The following AP3S1 variants were observed in gnomAD, a reference collection of about 807,000 sequenced individuals.
The protein encoded by AP3S1 is AP-3 complex subunit sigma-1.
A neutral mutation model predicts 21.3 loss-of-function variants in AP3S1; 12 were observed. The observed-to-expected ratio is 0.56, with a 90% CI of 0.36 to 0.91. The LOEUF (loss-of-function observed/expected upper bound fraction) is 0.91. Among genes scored for constraint, AP3S1 ranks in the 40% least tolerant of loss-of-function variants. The pLI is 0.01. For synonymous variants in AP3S1, 48 were observed against 78.4 expected, an observed-to-expected ratio of 0.61 and a Z score of 2.05; for missense variants, 116 against 225.0, an observed-to-expected ratio of 0.52 and a Z score of 3.10.
chr5:115,898,133 C>G lies in AP3S1; in HGVS notation c.345+2975C>G, dbSNP rs1750917683. On this transcript the variant is annotated intron_variant, in intron 4 of 5. Coordinates refer to ENST00000316788, the MANE Select transcript of AP3S1 (RefSeq NM_001284.4). ...CCATGGTAACAAAGCTGCCACTATC[C>G]AGAACATTGTTAGTTTCTATGTCAG... 2.0e-5 allele frequency among the ~76,000 whole-genome samples: 3 copies of G among 152,120 alleles called. No homozygotes were observed. In the South Asian group the frequency reaches 6.2e-4, roughly 32 times the overall value.
chr5:115,851,176 C>A (rs987649250), intron 1 of AP3S1, among the ~76,000 whole-genome samples: 1 of 152,156 alleles, frequency 6.6e-6, no homozygotes, highest in Non-Finnish European at 1.5e-5. Context: ...AAAGGACTTG[C>A]ATTCCTCAGA....
chr5:115,891,941 A>T (rs1750343287), intron 3 of AP3S1, among the ~76,000 whole-genome samples: 3 of 151,782 alleles, frequency 2.0e-5, no homozygotes, highest in Admixed American at 1.3e-4. Flanking sequence ...TTAAGATTTG[A>T]CTCCCCCACT....
chr5:115,855,593 G>A (rs1762747611), intron 1 of AP3S1, among the ~76,000 whole-genome samples: 1 of 152,198 alleles, frequency 6.6e-6, no homozygotes, highest in Admixed American at 6.5e-5. Flanking sequence ...TCCCACCTTG[G>A]CCTCCCAAAG....
chr5:115,906,919 A>T, intron 5 of AP3S1: 3 of 1,455,398 alleles, frequency 2.1e-6, no homozygotes, highest in Non-Finnish European at 2.7e-6. Flanking sequence ...ATGATGTCAA[A>T]GGCAATTAAT....
chr5:115,854,904 T>G (rs1355770818), intron 1 of AP3S1, among the ~76,000 whole-genome samples: 2 of 152,170 alleles, frequency 1.3e-5, no homozygotes, highest in Non-Finnish European at 2.9e-5. Context: ...CTTGACTTCT[T>G]ACAGTATGTT....
At chr5:115,888,121 C>G (rs958358911) in intron 3 of AP3S1, among the ~76,000 whole-genome samples, 3 of 151,930 alleles carry the variant, frequency 2.0e-5, no homozygotes, top group Non-Finnish European at 4.4e-5. Context: ...GGTTTTATAT[C>G]CCTGGCACCT....
At chr5:115,909,022 G>C (rs1448238518) in intron 5 of AP3S1, 5 of 980,680 alleles carry the variant, frequency 5.1e-6, no homozygotes, top group Non-Finnish European at 1.2e-6. Flanking sequence ...CAGCAGGAAG[G>C]GTGGGTAAAG....
chr5:115,878,649 C>G (rs1375543258), intron 3 of AP3S1, among the ~76,000 whole-genome samples: 1 of 152,062 alleles, frequency 6.6e-6, no homozygotes, highest in Non-Finnish European at 1.5e-5. Flanking sequence ...CAGCTTTATT[C>G]CTTTTGTTTA....
intron 3 of AP3S1, among the ~76,000 whole-genome samples, 163 bp from the exon 4 acceptor site, chr5:115,894,924 C>T (rs150132618): frequency 9.7e-4 from 148 of 152,164 alleles, no homozygotes; most frequent in Middle Eastern, 3.4e-3. Context: ...CTTGGTAGGA[C>T]TCTATTCTTT....
intron 3 of AP3S1, among the ~76,000 whole-genome samples, chr5:115,892,816 A>G (rs1750429477): frequency 6.6e-6 from 1 of 152,186 alleles, no homozygotes; most frequent in Non-Finnish European, 1.5e-5. Context: ...AAAATGTATA[A>G]TTGGATTGTT....
At chr5:115,904,886 ATGAG>A (rs1379241886) in intron 5 of AP3S1, among the ~76,000 whole-genome samples, 3 of 152,326 alleles carry the variant, frequency 2.0e-5, no homozygotes, top group Middle Eastern at 6.8e-3. Context: ...GTATAAATGA[ATGAG>A]TATCTAGTAA....
At chr5:115,869,609 T>C (rs895921604) in intron 2 of AP3S1, among the ~76,000 whole-genome samples, 11 of 152,246 alleles carry the variant, frequency 7.2e-5, no homozygotes, top group Non-Finnish European at 1.5e-4. Flanking sequence ...AGATCTCAGC[T>C]TAAATGCCAC....
chr5:115,905,991 A>G (rs892346686), intron 5 of AP3S1, among the ~76,000 whole-genome samples: 1 of 152,144 alleles, frequency 6.6e-6, no homozygotes, highest in Admixed American at 6.5e-5. Flanking sequence ...TCCCGTCTCT[A>G]CTAAAAATAC....
chr5:115,911,325 A>T (rs1752089721), intron 5 of AP3S1, among the ~76,000 whole-genome samples: 1 of 151,978 alleles, frequency 6.6e-6, no homozygotes, highest in South Asian at 2.1e-4. Context: ...CCAATAAAAT[A>T]CACAGATAAA....
chr5:115,880,703 A>G lies in AP3S1; in HGVS notation c.273+10575A>G, dbSNP rs557542074. ...TGATTTGGGGTGGAGCATTCTGTAG[A>G]TGTCTATTAGGTCCACTTGGTCCAC... On this transcript the variant is annotated intron_variant, in intron 3 of 5. Transcript: ENST00000316788. 6.6e-5 allele frequency among the ~76,000 whole-genome samples: 10 copies of G among 152,306 alleles called. No individual in the cohort carries two copies. The South Asian group carries it at 2.1e-3, about 32-fold the overall frequency.
chr5:115,856,578 G>A (rs1762817815), intron 1 of AP3S1, among the ~76,000 whole-genome samples: 1 of 151,968 alleles, frequency 6.6e-6, no homozygotes, highest in Admixed American at 6.6e-5. Context: ...GATACTTTTG[G>A]CTCAGCCTCC....
Position 115,842,019 on chromosome 5 carries a change from C to G in AP3S1, c.-19C>G. On this transcript the variant is annotated 5_prime_UTR_variant, in exon 1 of 6. Coordinates refer to ENST00000316788, the MANE Select transcript of AP3S1 (RefSeq NM_001284.4). ...CCCGCCCTGGCCCCCAGTGCCCACCCGGTCGGCCCGGCACAGCCATGATCA... is the reference window on the plus strand; with the variant it reads ...CCCGCCCTGGCCCCCAGTGCCCACCGGGTCGGCCCGGCACAGCCATGATCA... The G allele has an allele frequency of 6.3e-7, 1 of 1,578,392 alleles. No individual in the cohort carries two copies. Among genetic ancestry groups the G allele is most frequent in the Non-Finnish European group, 8.6e-7 (1 of 1,163,536 alleles).
intron 1 of AP3S1, among the ~76,000 whole-genome samples, chr5:115,856,808 T>C (rs569523888): frequency 1.3e-5 from 2 of 152,290 alleles, no homozygotes; most frequent in South Asian, 4.1e-4. Flanking sequence ...ATTATTTCTT[T>C]GTGGGGAGAA....
In AP3S1 at chr5:115,896,266, A is replaced by C. The variant is rs555932940; in HGVS notation, c.345+1108A>C. ...TTCATTATTTGTGAATGTCAAAAAA[A>C]TACTTTTCTCTTTGGCCAGTATTCT... On this transcript the variant is annotated intron_variant, in intron 4 of 5. Coordinates refer to ENST00000316788, the MANE Select transcript of AP3S1 (RefSeq NM_001284.4). Among the ~76,000 whole-genome samples, 46 of 152,352 alleles carry C rather than the reference A, an allele frequency of 3.0e-4. 1 individual carries two copies. The South Asian group carries it at 9.5e-3, about 32-fold the overall frequency.
Sources: gnomAD v4.1 joint callset for allele counts (sites outside exome capture counted in the v4.1 genomes callset) on GRCh38, gnomAD v4.1.1 for gene constraint, MANE v1.5 for transcripts, NCBI Gene and HGNC (gene_info 2026-07-23, HGNC 2026-07-21) for gene names.